AP3B1: variants seen among roughly 807,000 people sequenced by gnomAD.
AP3B1 encodes AP-3 complex subunit beta-1.
Under a neutral mutation model 132.5 loss-of-function variants are expected in AP3B1, and 61 were observed. The ratio of observed to expected loss-of-function variants is 0.46; its 90% CI spans 0.37 to 0.57. AP3B1 has a LOEUF of 0.57. Among genes scored for constraint, AP3B1 ranks in the 20% least tolerant of loss-of-function variants. The pLI is 0.00. For synonymous variants in AP3B1, 388 were observed against 438.3 expected, an observed-to-expected ratio of 0.89 and a Z score of 1.43; for missense variants, 1,120 against 1,289.4, an observed-to-expected ratio of 0.87 and a Z score of 2.01.
At position 78,280,979 on chromosome 5, in the gene AP3B1, C is replaced by A. The variant is rs550668713; in HGVS notation, c.129-13384G>T. 2.2e-4 allele frequency among the ~76,000 whole-genome samples: 31 copies of A among 141,936 alleles called. 2 individuals carry two copies. In the East Asian group the frequency reaches 6.3e-3, roughly 29 times the overall value. 93.1% of individuals were successfully genotyped at this position (141,936 alleles called of 152,430 possible). On this transcript the variant is annotated intron_variant, in intron 1 of 26. Coordinates refer to ENST00000255194, the MANE Select transcript of AP3B1 (RefSeq NM_003664.5). ...ATTTAATGTTATGTGTTTTTTACCA[C>A]AATTTTTTAAAGTCACATGGTCCCA...
intron 22 of AP3B1, among the ~76,000 whole-genome samples, chr5:78,085,545 A>G (rs1750205852): frequency 6.6e-6 from 1 of 152,196 alleles, no homozygotes. Flanking sequence ...TTTCCTTATA[A>G]GCACTAATTC....
intron 8 of AP3B1, among the ~76,000 whole-genome samples, chr5:78,180,841 T>C (rs1248091985): frequency 6.6e-6 from 1 of 152,028 alleles, no homozygotes; most frequent in African/African-American, 2.4e-5. Flanking sequence ...GTTTTAATTT[T>C]CTTTTTAGTT....
At chr5:78,028,722 G>A (rs1747444885) in intron 24 of AP3B1, among the ~76,000 whole-genome samples, 1 of 152,132 alleles carries the variant, frequency 6.6e-6, no homozygotes, top group Non-Finnish European at 1.5e-5. Flanking sequence ...TTTAAAATCA[G>A]GGTGATGTTA....
At chr5:78,062,029 G>A (rs1242027119) in intron 22 of AP3B1, among the ~76,000 whole-genome samples, 1 of 152,130 alleles carries the variant, frequency 6.6e-6, no homozygotes, top group African/African-American at 2.4e-5. Context: ...TCACTACAAG[G>A]ATACACAGTA....
chr5:78,123,424 G>A (rs1382405957), intron 17 of AP3B1, among the ~76,000 whole-genome samples: 1 of 152,002 alleles, frequency 6.6e-6, no homozygotes, highest in East Asian at 1.9e-4. Context: ...TACAGAATGG[G>A]AGAAAATTTT....
At chr5:78,220,423 C>T (rs183426611) in intron 6 of AP3B1, among the ~76,000 whole-genome samples, 1 of 151,688 alleles carries the variant, frequency 6.6e-6, no homozygotes, top group East Asian at 1.9e-4. Flanking sequence ...ACCCTAAATT[C>T]CAGATAACTA....
At chr5:78,146,017 CT>C (rs1291707339) in intron 14 of AP3B1, among the ~76,000 whole-genome samples, 4 of 152,178 alleles carry the variant, frequency 2.6e-5, no homozygotes, top group Non-Finnish European at 5.9e-5. Context: ...TAGAATGACA[CT>C]CCTGGGTTTG....
At chr5:78,188,635 T>C (rs1006562909) in intron 7 of AP3B1, among the ~76,000 whole-genome samples, 1 of 152,170 alleles carries the variant, frequency 6.6e-6, no homozygotes, top group African/African-American at 2.4e-5. Flanking sequence ...GGTGGGTACA[T>C]AAATTAGTAC....
intron 1 of AP3B1, among the ~76,000 whole-genome samples, chr5:78,282,094 C>T (rs928045473): frequency 2.6e-5 from 4 of 152,168 alleles, no homozygotes; most frequent in African/African-American, 9.7e-5. Context: ...TCACTTCTCA[C>T]CCATCCACCA....
chr5:78,102,689 T>C (rs1751180379), intron 20 of AP3B1, among the ~76,000 whole-genome samples: 1 of 152,132 alleles, frequency 6.6e-6, no homozygotes, highest in African/African-American at 2.4e-5. Flanking sequence ...CTTATCAAAA[T>C]GCTATGCTGA....
intron 22 of AP3B1, among the ~76,000 whole-genome samples, chr5:78,066,863 G>A (rs984045342): frequency 4.6e-5 from 7 of 151,854 alleles, no homozygotes; most frequent in African/African-American, 9.7e-5. Context: ...GACACTAATC[G>A]TCAGATTTAC....
In AP3B1 at chr5:78,158,673, G is replaced by A. The variant is rs138627867; in HGVS notation, c.1364-2306C>T. ...TAGGATGTACATTCTATCTATATACGTTCTATGTTACGATAGGCAGGTATT... is the reference window on the plus strand; with the variant it reads ...TAGGATGTACATTCTATCTATATACATTCTATGTTACGATAGGCAGGTATT... On this transcript the variant is annotated intron_variant, in intron 13 of 26. Transcript: ENST00000255194. Among the ~76,000 whole-genome samples, 282 of 151,348 alleles carry A rather than the reference G, an allele frequency of 1.9e-3. 1 individual carries two copies. Among genetic ancestry groups the A allele is most frequent in the African/African-American group, 6.5e-3 (267 of 41,184 alleles).
At chr5:78,057,301 G>A (rs252780) in intron 22 of AP3B1, among the ~76,000 whole-genome samples, 37,790 of 151,960 alleles carry the variant, frequency 0.25, 5,240 homozygotes, top group Admixed American at 0.39. Flanking sequence ...TTTTAGTTTA[G>A]TCCACTAGGA....
intron 7 of AP3B1, among the ~76,000 whole-genome samples, chr5:78,207,525 G>C (rs1394914991): frequency 4.6e-5 from 7 of 151,790 alleles, no homozygotes; most frequent in Non-Finnish European, 1.0e-4. Context: ...TATTCCTCAA[G>C]TATATAACTT....
chr5:78,209,990 G>A (rs1164174652), intron 7 of AP3B1, among the ~76,000 whole-genome samples: 2 of 152,152 alleles, frequency 1.3e-5, no homozygotes, highest in African/African-American at 2.4e-5. Context: ...AATGGGAAGA[G>A]AGGAGACATT....
At chr5:78,285,696 C>T (rs1749248152) in intron 1 of AP3B1, among the ~76,000 whole-genome samples, 1 of 152,144 alleles carries the variant, frequency 6.6e-6, no homozygotes, top group African/African-American at 2.4e-5. Context: ...GCACAATATT[C>T]TTCATTTTAG....
intron 22 of AP3B1, among the ~76,000 whole-genome samples, chr5:78,067,120 C>T (rs1312803436): frequency 6.6e-6 from 1 of 152,094 alleles, no homozygotes; most frequent in Non-Finnish European, 1.5e-5. Flanking sequence ...GGTTGAAATC[C>T]TACTTTCTGA....
chr5:78,021,932 C>T (rs548524433), intron 24 of AP3B1, among the ~76,000 whole-genome samples: 1 of 152,136 alleles, frequency 6.6e-6, no homozygotes, highest in Non-Finnish European at 1.5e-5. Context: ...CATGTTAGAA[C>T]TGGATCCCAC....
intron 14 of AP3B1, among the ~76,000 whole-genome samples, chr5:78,155,803 T>C (rs1008467454): frequency 6.6e-5 from 10 of 152,140 alleles, no homozygotes; most frequent in Non-Finnish European, 1.5e-4. Flanking sequence ...GCACAACTTA[T>C]AAGTGATCAA....
Sources: allele counts gnomAD v4.1 joint callset (sites outside exome capture counted in the v4.1 genomes callset), GRCh38; gene constraint gnomAD v4.1.1; transcripts MANE v1.5; gene names NCBI Gene and HGNC (gene_info 2026-07-23, HGNC 2026-07-21).